The following LRP2 variants were observed in gnomAD, a reference collection of about 807,000 sequenced individuals.
The protein encoded by LRP2 is low-density lipoprotein receptor-related protein 2.
Under a neutral mutation model 531.0 loss-of-function variants are expected in LRP2, and 172 were observed. The observed-to-expected ratio is 0.32, with a 90% CI of 0.29 to 0.37. The LOEUF (loss-of-function observed/expected upper bound fraction) is 0.37. Ranked by LOEUF, LRP2 falls within the 10% of genes least tolerant of loss-of-function variation. LRP2 has a pLI of 1.00. For missense variants in LRP2, 5,167 were observed against 5,868.3 expected (o/e 0.88, Z 3.90); for synonymous variants, 1,992 against 2,027.6 (o/e 0.98, Z 0.47).
chr2:169,266,131 C>T (rs1423883485), intron 16 of LRP2, among the ~76,000 whole-genome samples: 1 of 151,818 alleles, frequency 6.6e-6, no homozygotes, highest in East Asian at 1.9e-4. Flanking sequence ...AATATAAACA[C>T]ATATGATTAA....
chr2:169,285,598 A>C lies in LRP2; in HGVS notation c.1043-2597T>G, dbSNP rs539285944. ...ACAAATACTGCTGTGAAAATGACTCAAAAACCCCTTTTTAACTGAGCCCCC... is the reference window on the plus strand; with the variant it reads ...ACAAATACTGCTGTGAAAATGACTCCAAAACCCCTTTTTAACTGAGCCCCC... On this transcript the variant is annotated intron_variant, in intron 9 of 78. Coordinates refer to ENST00000649046, the MANE Select transcript of LRP2 (RefSeq NM_004525.3). Among the ~76,000 whole-genome samples, 12 of 152,198 alleles carry C rather than the reference A, an allele frequency of 7.9e-5. No individual in the cohort carries two copies. In the South Asian group the frequency reaches 2.5e-3, roughly 32 times the overall value.
At chr2:169,357,320 T>C (rs1686020336) in intron 1 of LRP2, among the ~76,000 whole-genome samples, 1 of 145,884 alleles carries the variant, frequency 6.9e-6, no homozygotes, top group South Asian at 2.2e-4. Context: ...TTTTATTTTA[T>C]TTTATTTTAT....
Position 169,152,651 on chromosome 2 carries a change from C to A in LRP2, c.12461+148G>T, listed in dbSNP as rs1686186473. 4 of 806,218 alleles carry A rather than the reference C, an allele frequency of 5.0e-6. No individual in the cohort carries two copies. The South Asian group carries it at 6.2e-5, about 12-fold the overall frequency. 49.9% of individuals were successfully genotyped at this position (806,218 alleles called of 1,614,324 possible). A position where few individuals can be genotyped will look rare whatever the true frequency, so the allele number is the denominator to read the frequency against. ...GGGTAAGTGGAGGTAGTTGCTGGGGCTTCAGCAAGCCCAACCACTGCCCAG... is the reference window on the plus strand; with the variant it reads ...GGGTAAGTGGAGGTAGTTGCTGGGGATTCAGCAAGCCCAACCACTGCCCAG... On this transcript the variant is annotated intron_variant, in intron 67 of 78. Transcript: ENST00000649046.
intron 1 of LRP2, among the ~76,000 whole-genome samples, 156 bp downstream of exon 1, chr2:169,362,165 G>C (rs575966676): frequency 6.6e-6 from 1 of 152,310 alleles, no homozygotes; most frequent in Non-Finnish European, 1.5e-5. Flanking sequence ...CTCCGGCTTC[G>C]CGAAGCAACC....
chr2:169,131,335 C>T (rs1259555577), intron 77 of LRP2, among the ~76,000 whole-genome samples: 1 of 150,958 alleles, frequency 6.6e-6, no homozygotes, highest in Admixed American at 6.6e-5. Context: ...GTACAGAAGC[C>T]TTGATATAGA....
rs1688702183 is a variant in LRP2 at position 169,214,299 on chromosome 2, G to A, written c.5827-429C>T. On this transcript the variant is annotated intron_variant, in intron 35 of 78. Transcript: ENST00000649046. ...AATATGCCCCCAAACAACCACAGAG[G>A]ACAGCAAGACAGGACAGGGCCAAAA... Among the ~76,000 whole-genome samples, 4 of 152,204 alleles carry A rather than the reference G, an allele frequency of 2.6e-5. 1 individual carries two copies. The South Asian group carries it at 8.3e-4, about 32-fold the overall frequency.
At chr2:169,286,979 G>A (rs981086550) in intron 9 of LRP2, among the ~76,000 whole-genome samples, 2 of 152,166 alleles carry the variant, frequency 1.3e-5, no homozygotes, top group South Asian at 2.1e-4. Context: ...TAGCAGTGAG[G>A]GGGGAAAAGG....
chr2:169,224,702 A>G (rs1348123657), intron 33 of LRP2, among the ~76,000 whole-genome samples: 1 of 152,214 alleles, frequency 6.6e-6, no homozygotes, highest in Non-Finnish European at 1.5e-5. Context: ...CTTCTTATAT[A>G]TTATTTTGTA....
Position 169,277,906 on chromosome 2 carries a change from C to T in LRP2, c.1611G>A (p.Lys537=), listed in dbSNP as rs751585914. Reference sequence around the variant, plus strand: ...TGCCATCCATGAATGCCCTTTCCAGCTTAGGTTCCCCAGAAAGGCTCTCCC... The same window carrying T: ...TGCCATCCATGAATGCCCTTTCCAGTTTAGGTTCCCCAGAAAGGCTCTCCC... The part of the protein sequence containing the change: ...SDWESLSGEP[K]LERAFMDGSN... Residue 537 remains lysine (K), a synonymous_variant, in exon 13 of 79, where the codon AAG becomes AAA. Transcript: ENST00000649046. 1.9e-6 allele frequency: 3 copies of T among 1,613,974 alleles called. No homozygotes were observed. Among genetic ancestry groups the T allele is most frequent in the Admixed American group, 3.3e-5 (2 of 59,992 alleles).
chr2:169,319,342 G>T (rs1684850449), intron 2 of LRP2, among the ~76,000 whole-genome samples: 1 of 152,108 alleles, frequency 6.6e-6, no homozygotes, highest in Non-Finnish European at 1.5e-5. Flanking sequence ...TAAGATCTTT[G>T]GCAGGTTCTC....
intron 33 of LRP2, among the ~76,000 whole-genome samples, chr2:169,223,895 T>C (rs1018448712): frequency 6.6e-6 from 1 of 152,188 alleles, no homozygotes; most frequent in African/African-American, 2.4e-5. Flanking sequence ...TTAAATTAGA[T>C]GCTAGTGAAA....
At chr2:169,362,052 A>G (rs990508756) in intron 1 of LRP2, among the ~76,000 whole-genome samples, 3 of 152,236 alleles carry the variant, frequency 2.0e-5, no homozygotes, top group Non-Finnish European at 4.4e-5. Flanking sequence ...CCGTGGGAAC[A>G]AAGACAGGGT....
intron 77 of LRP2, among the ~76,000 whole-genome samples, chr2:169,131,538 T>C (rs1196110449): frequency 2.0e-5 from 3 of 152,182 alleles, no homozygotes; most frequent in Non-Finnish European, 4.4e-5. Context: ...TTCTTTACAT[T>C]ACTTCACAAA....
chr2:169,163,477 G>C (rs759289367), intron 62 of LRP2, among the ~76,000 whole-genome samples: 3 of 152,176 alleles, frequency 2.0e-5, no homozygotes, highest in Admixed American at 6.5e-5. Context: ...TGGATAAAAT[G>C]ACTGCCCATC....
chr2:169,226,324 T>C, intron 32 of LRP2, 98 bp downstream of exon 32: 1 of 970,686 alleles, frequency 1.0e-6, no homozygotes, highest in Non-Finnish European at 1.6e-6. Context: ...ATTGTTTCCC[T>C]TTTACTCACA....
At chr2:169,134,339 G>A (rs1255186314) in intron 76 of LRP2, among the ~76,000 whole-genome samples, 1 of 152,046 alleles carries the variant, frequency 6.6e-6, no homozygotes, top group African/African-American at 2.4e-5. Flanking sequence ...TCCTTCAGCT[G>A]TACTCACTCT....
At chr2:169,361,064 G>C (rs551194659) in intron 1 of LRP2, among the ~76,000 whole-genome samples, 2 of 152,294 alleles carry the variant, frequency 1.3e-5, no homozygotes, top group South Asian at 4.1e-4. Flanking sequence ...TACAACAATA[G>C]GGGTTTCATT....
rs1199696539 is a variant in LRP2 at position 169,292,242 on chromosome 2, C to T, written c.769+11G>A. 15 of 1,557,722 alleles carry T rather than the reference C, an allele frequency of 9.6e-6. No individual in the cohort carries two copies. In the East Asian group the frequency reaches 3.1e-4, roughly 33 times the overall value. ...AAATGCTTTTCAGTAGGAATCTCTT[C>T]CCCTCCTTACCACATCCATCTTCAT... On this transcript the variant is annotated intron_variant, in intron 7 of 78. Coordinates refer to ENST00000649046, the MANE Select transcript of LRP2 (RefSeq NM_004525.3).
At chr2:169,154,089 A>T (rs1686245387) in intron 66 of LRP2, among the ~76,000 whole-genome samples, 2 of 152,226 alleles carry the variant, frequency 1.3e-5, no homozygotes, top group South Asian at 4.1e-4. Context: ...GAGTGATAGA[A>T]GTTGTCACAG....
Sources: gnomAD v4.1 joint callset for allele counts (sites outside exome capture counted in the v4.1 genomes callset) on GRCh38, gnomAD v4.1.1 for gene constraint, MANE v1.5 for transcripts, NCBI Gene and HGNC (gene_info 2026-07-23, HGNC 2026-07-21) for gene names.